The following DLG2 variants were observed in gnomAD, a reference collection of about 807,000 sequenced individuals.
DLG2 encodes discs large MAGUK scaffold protein 2, also known as disks large homolog 2.
In DLG2, 45 loss-of-function variants were observed where a neutral mutation model predicts 132.5. The ratio of observed to expected loss-of-function variants is 0.34; its 90% confidence interval spans 0.27 to 0.44. The LOEUF (loss-of-function observed/expected upper bound fraction) is 0.44. Ranked by LOEUF, DLG2 falls within the 20% of genes least tolerant of loss-of-function variation. The probability of loss-of-function intolerance (pLI) is 1.00; values close to 1 mark genes in which losing one functional copy is unlikely to be tolerated. For synonymous variants in DLG2, 424 were observed against 419.6 expected (o/e 1.01, Z -0.13); for missense variants, 1,045 against 1,196.9 (o/e 0.87, Z 1.87).
intron 3 of DLG2, among the ~76,000 whole-genome samples, chr11:85,368,925 C>T (rs924890231): frequency 6.6e-6 from 1 of 152,220 alleles, no homozygotes; most frequent in African/African-American, 2.4e-5. Context: ...GGGCAGGAAG[C>T]ACTCTAGTGG....
chr11:85,428,673 A>C (rs998156170), intron 3 of DLG2, among the ~76,000 whole-genome samples: 2 of 152,176 alleles, frequency 1.3e-5, no homozygotes, highest in African/African-American at 4.8e-5. Flanking sequence ...CAAGAGAAAG[A>C]AGGAAAGATC....
At chr11:85,336,394 T>C (rs1298247454) in intron 3 of DLG2, 2 of 153,492 alleles carry the variant, frequency 1.3e-5, no homozygotes, top group Non-Finnish European at 2.9e-5. Context: ...TTCTGGCTAT[T>C]ACTGGGAGCA....
chr11:84,557,657 T>A (rs931887107), intron 6 of DLG2, among the ~76,000 whole-genome samples: 2 of 151,270 alleles, frequency 1.3e-5, no homozygotes, highest in African/African-American at 4.9e-5. Context: ...TATCACAATG[T>A]ACCATTTTTT....
chr11:84,905,446 G>C (rs1218146477), intron 6 of DLG2, among the ~76,000 whole-genome samples: 2 of 151,980 alleles, frequency 1.3e-5, no homozygotes, highest in Non-Finnish European at 2.9e-5. Flanking sequence ...ATTTTAATTT[G>C]GAATTCAAAA....
chr11:83,553,899 C>CTTTTTTTT (rs754561291), intron 19 of DLG2, among the ~76,000 whole-genome samples: 1 of 111,202 alleles, frequency 9.0e-6, no homozygotes. Flanking sequence ...CTTTTTTTTT[C>CTTTTTTTT]TTTTTTTTTT....
chr11:84,506,226 C>G (rs1014122020), intron 7 of DLG2, among the ~76,000 whole-genome samples: 1 of 151,420 alleles, frequency 6.6e-6, no homozygotes, highest in African/African-American at 2.4e-5. Flanking sequence ...CAGGCGCCCG[C>G]CACTGCGCCC....
At chr11:85,245,977 C>A (rs2152686140) in intron 4 of DLG2, among the ~76,000 whole-genome samples, 1 of 151,934 alleles carries the variant, frequency 6.6e-6, no homozygotes, top group African/African-American at 2.4e-5. Flanking sequence ...CTCTGTGATT[C>A]TTATTCTATC....
At chr11:85,508,232 T>G (rs899618298) in intron 3 of DLG2, among the ~76,000 whole-genome samples, 2 of 152,100 alleles carry the variant, frequency 1.3e-5, no homozygotes, top group Non-Finnish European at 2.9e-5. Context: ...TCACTCTCCA[T>G]CCAGCTTGAC....
At chr11:85,336,481 AG>A (rs1178231040) in intron 3 of DLG2, 1 of 155,882 alleles carries the variant, frequency 6.4e-6, no homozygotes, top group African/African-American at 2.4e-5. Flanking sequence ...TGGGTGGCCA[AG>A]GTGGTAGCAG....
At chr11:84,532,960 G>A (rs918268796) in intron 7 of DLG2, among the ~76,000 whole-genome samples, 1 of 152,174 alleles carries the variant, frequency 6.6e-6, no homozygotes. Context: ...AAAGAGTACT[G>A]TCTAACTCTA....
At chr11:84,778,033 C>A (rs950717512) in intron 6 of DLG2, among the ~76,000 whole-genome samples, 1 of 152,040 alleles carries the variant, frequency 6.6e-6, no homozygotes, top group Non-Finnish European at 1.5e-5. Context: ...TTGCCTAGAC[C>A]GATATCCAGA....
chr11:84,051,393 G>A (rs1312084598), intron 11 of DLG2, among the ~76,000 whole-genome samples: 2 of 151,898 alleles, frequency 1.3e-5, no homozygotes, highest in African/African-American at 2.4e-5. Context: ...AACAATGATA[G>A]ACTGGATTAA....
At chr11:84,138,710 A>T (rs1320489004) in intron 9 of DLG2, among the ~76,000 whole-genome samples, 1 of 152,170 alleles carries the variant, frequency 6.6e-6, no homozygotes, top group Non-Finnish European at 1.5e-5. Context: ...GAACTTCGGG[A>T]GTCTGGGGCG....
intron 10 of DLG2, among the ~76,000 whole-genome samples, chr11:84,073,340 T>C (rs1468967703): frequency 6.6e-6 from 1 of 150,930 alleles, no homozygotes; most frequent in Non-Finnish European, 1.5e-5. Context: ...CATATTAGCA[T>C]TAAGAAAAAA....
At position 83,578,967 on chromosome 11, in the gene DLG2, A is replaced by T. The variant is rs1223918628; in HGVS notation, c.1941-37109T>A. ...GCATTCAAGACCTGCCTAGTATAGAATATTTGCTTCCCCACTGTGTTTTCC... is the reference window on the plus strand; with the variant it reads ...GCATTCAAGACCTGCCTAGTATAGATTATTTGCTTCCCCACTGTGTTTTCC... On this transcript the variant is annotated intron_variant, in intron 19 of 27. Transcript: ENST00000376104. 2.0e-5 allele frequency among the ~76,000 whole-genome samples: 3 copies of T among 152,208 alleles called. No individual in the cohort carries two copies. In the East Asian group the frequency reaches 5.8e-4, roughly 29 times the overall value.
intron 18 of DLG2, among the ~76,000 whole-genome samples, chr11:83,698,833 A>C (rs2082364473): frequency 6.6e-6 from 1 of 152,124 alleles, no homozygotes; most frequent in Non-Finnish European, 1.5e-5. Flanking sequence ...TGTGGTTGTA[A>C]AGTCAGGGTC....
intron 17 of DLG2, among the ~76,000 whole-genome samples, chr11:83,803,928 T>C (rs958995491): frequency 6.6e-6 from 1 of 152,168 alleles, no homozygotes; most frequent in Non-Finnish European, 1.5e-5. Context: ...GTGGGACTCA[T>C]CTGATGTTTT....
intron 18 of DLG2, chr11:83,691,976 T>C (rs560486593): frequency 1.3e-5 from 2 of 152,262 alleles, no homozygotes; most frequent in African/African-American, 2.4e-5. Context: ...GTTAATCTCA[T>C]TGACTCCTCC....
At chr11:85,098,118 C>T (rs1165348529) in intron 6 of DLG2, among the ~76,000 whole-genome samples, 1 of 152,186 alleles carries the variant, frequency 6.6e-6, no homozygotes, top group Non-Finnish European at 1.5e-5. Context: ...TTACTTTTAT[C>T]ATCTCATTCA....
Sources: gnomAD v4.1 joint callset for allele counts (sites outside exome capture counted in the v4.1 genomes callset) on GRCh38, gnomAD v4.1.1 for gene constraint, MANE v1.5 for transcripts, NCBI Gene and HGNC (gene_info 2026-07-23, HGNC 2026-07-21) for gene names.